The following ITFG1 variants were observed in gnomAD, a reference collection of about 807,000 sequenced individuals.
ITFG1 encodes integrin alpha FG-GAP repeat containing 1.
ITFG1 carries 34 observed loss-of-function variants against 81.8 expected under a neutral mutation model. The observed-to-expected ratio is 0.42, with a 90% CI of 0.32 to 0.55. ITFG1 has a LOEUF of 0.55. Ranked by LOEUF, ITFG1 falls within the 20% of genes least tolerant of loss-of-function variation. ITFG1 has a pLI of 0.17. For synonymous variants in ITFG1, 285 were observed against 270.6 expected, an observed-to-expected ratio of 1.05 and a Z score of -0.52; for missense variants, 672 against 755.4, an observed-to-expected ratio of 0.89 and a Z score of 1.29.
chr16:47,173,703 T>C (rs1964987958), intron 14 of ITFG1, among the ~76,000 whole-genome samples: 1 of 152,220 alleles, frequency 6.6e-6, no homozygotes, highest in South Asian at 2.1e-4. Context: ...TATAGTCTGA[T>C]TTTCCAATAT....
At chr16:47,229,569 T>G (rs1217508159) in intron 13 of ITFG1, among the ~76,000 whole-genome samples, 1 of 151,318 alleles carries the variant, frequency 6.6e-6, no homozygotes, top group East Asian at 1.9e-4. Context: ...TGTATGTTTT[T>G]GAAGGATAGC....
intron 10 of ITFG1, among the ~76,000 whole-genome samples, chr16:47,273,407 A>G (rs926032924): frequency 4.3e-4 from 65 of 152,236 alleles, no homozygotes; most frequent in African/African-American, 1.5e-3. Flanking sequence ...GTAAGTGCAG[A>G]ATGCTTAGCT....
chr16:47,401,775 C>T (rs979417014), intron 6 of ITFG1, among the ~76,000 whole-genome samples: 1 of 152,176 alleles, frequency 6.6e-6, no homozygotes, highest in African/African-American at 2.4e-5. Flanking sequence ...TCAGAGACCT[C>T]TGGAGTCATG....
rs1222007051 is a variant in ITFG1, at chr16:47,376,964, C to CAAAAAA, written c.656-1030_656-1025dup. 2.3e-3 allele frequency among the ~76,000 whole-genome samples: 41 copies of CAAAAAA among 18,070 alleles called. 16 individuals are homozygous for CAAAAAA. Among genetic ancestry groups the CAAAAAA allele is most frequent in the African/African-American group, 3.5e-3 (28 of 8,052 alleles). The allele number at this position is 18,070 out of a possible 152,430, so 11.9% of individuals were successfully genotyped here. ...GAGACAGAGGGAGACTCTGTCTCCC[C>CAAAAAA]AAAAAAAAAAAAAAAAAAAAAAAAA... On this transcript the variant is annotated intron_variant, in intron 6 of 17. Coordinates refer to ENST00000320640, the MANE Select transcript of ITFG1 (RefSeq NM_030790.5).
chr16:47,423,606 G>A (rs1968980057), intron 6 of ITFG1, among the ~76,000 whole-genome samples: 1 of 152,030 alleles, frequency 6.6e-6, no homozygotes, highest in Non-Finnish European at 1.5e-5. Context: ...CTTCCTTTAG[G>A]AGCTCCTGTA....
intron 7 of ITFG1, among the ~76,000 whole-genome samples, chr16:47,367,235 A>G (rs563684807): frequency 6.6e-5 from 10 of 152,334 alleles, no homozygotes; most frequent in African/African-American, 1.9e-4. Flanking sequence ...ACCTCCAGGA[A>G]CTTCCACCTG....
At position 47,218,807 on chromosome 16, in the gene ITFG1, C is replaced by A. The variant is rs182513126; in HGVS notation, c.1453+61G>T. 3.0e-6 allele frequency: 3 copies of A among 989,204 alleles called. No homozygotes were observed. In the East Asian group the frequency reaches 8.0e-5, roughly 26 times the overall value. 61.3% of individuals were successfully genotyped at this position (989,204 alleles called of 1,614,324 possible). On this transcript the variant is annotated intron_variant, in intron 14 of 17. Coordinates refer to ENST00000320640, the MANE Select transcript of ITFG1 (RefSeq NM_030790.5). ...AAACATAATTTTTTCCACCAGTTTA[C>A]CTTGCTAATATATTGACTGAAGAAG...
intron 14 of ITFG1, among the ~76,000 whole-genome samples, chr16:47,173,766 C>T (rs1247662492): frequency 2.6e-5 from 4 of 152,282 alleles, no homozygotes; most frequent in South Asian, 2.1e-4. Flanking sequence ...TTTCGCTGGG[C>T]GCAGTGGCTC....
intron 6 of ITFG1, among the ~76,000 whole-genome samples, chr16:47,394,347 ATGTC>A (rs1309658045): frequency 2.0e-5 from 3 of 152,198 alleles, no homozygotes; most frequent in Non-Finnish European, 2.9e-5. Flanking sequence ...CAATTCTAAG[ATGTC>A]AAAAAGTACC....
At chr16:47,181,738 T>A (rs1169358679) in intron 14 of ITFG1, among the ~76,000 whole-genome samples, 1 of 152,042 alleles carries the variant, frequency 6.6e-6, no homozygotes, top group African/African-American at 2.4e-5. Flanking sequence ...TGTGGAATAG[T>A]AAAGGGGGAA....
intron 6 of ITFG1, among the ~76,000 whole-genome samples, chr16:47,422,541 G>A (rs1968964374): frequency 6.6e-6 from 1 of 152,148 alleles, no homozygotes; most frequent in East Asian, 1.9e-4. Context: ...TTTTTCTATT[G>A]ATTGAAATAG....
At chr16:47,419,039 T>G (rs1968908202) in intron 6 of ITFG1, among the ~76,000 whole-genome samples, 1 of 152,220 alleles carries the variant, frequency 6.6e-6, no homozygotes, top group African/African-American at 2.4e-5. Flanking sequence ...GATATCTATT[T>G]TTAATCTACT....
chr16:47,372,896 T>C (rs1968275856), intron 7 of ITFG1, among the ~76,000 whole-genome samples: 1 of 152,202 alleles, frequency 6.6e-6, no homozygotes, highest in Non-Finnish European at 1.5e-5. Context: ...TTATTATAAA[T>C]TCCTCCTAAA....
At chr16:47,316,449 G>A (rs1043458304) in intron 8 of ITFG1, among the ~76,000 whole-genome samples, 13 of 152,234 alleles carry the variant, frequency 8.5e-5, no homozygotes, top group South Asian at 8.3e-4. Flanking sequence ...ATGTATCACT[G>A]TGCATTCCCT....
Position 47,325,338 on chromosome 16 carries a change from A to T in ITFG1, c.803-11515T>A, listed in dbSNP as rs574240869. On this transcript the variant is annotated intron_variant, in intron 8 of 17. Transcript: ENST00000320640. Reference sequence around the variant, plus strand: ...ACATTCAAAGCAGTGTGTAGAGGGAAATTTATAGCACTAAATGCCCACATG... The same window carrying T: ...ACATTCAAAGCAGTGTGTAGAGGGATATTTATAGCACTAAATGCCCACATG... Among the ~76,000 whole-genome samples, 126 of 152,342 alleles carry T rather than the reference A, an allele frequency of 8.3e-4. 1 individual carries two copies. Among genetic ancestry groups the T allele is most frequent in the African/African-American group, 2.9e-3 (120 of 41,570 alleles).
chr16:47,366,138 T>C (rs1454927011), intron 7 of ITFG1, among the ~76,000 whole-genome samples: 1 of 152,170 alleles, frequency 6.6e-6, no homozygotes, highest in African/African-American at 2.4e-5. Flanking sequence ...CAGAGAGTAA[T>C]AATTTCAAGT....
At chr16:47,347,992 C>A (rs760176346) in intron 8 of ITFG1, among the ~76,000 whole-genome samples, 1 of 152,198 alleles carries the variant, frequency 6.6e-6, no homozygotes, top group Non-Finnish European at 1.5e-5. Context: ...AGACCTGCAG[C>A]TGAGGGTCCA....
intron 5 of ITFG1, among the ~76,000 whole-genome samples, chr16:47,446,319 A>G (rs150909691): frequency 9.8e-5 from 15 of 152,336 alleles, no homozygotes; most frequent in African/African-American, 3.6e-4. Context: ...CTGGGCTTCA[A>G]TGAGAACTCA....
At chr16:47,422,601 G>C (rs577978352) in intron 6 of ITFG1, among the ~76,000 whole-genome samples, 1 of 152,128 alleles carries the variant, frequency 6.6e-6, no homozygotes, top group Non-Finnish European at 1.5e-5. Flanking sequence ...GTAGAATTCG[G>C]CTGTGAGTCC....
Sources: gnomAD v4.1 joint callset for allele counts (sites outside exome capture counted in the v4.1 genomes callset) on GRCh38, gnomAD v4.1.1 for gene constraint, MANE v1.5 for transcripts, NCBI Gene and HGNC (gene_info 2026-07-23, HGNC 2026-07-21) for gene names.